The following ANKRD11 variants were observed in gnomAD, a reference collection of about 807,000 sequenced individuals.
The protein encoded by ANKRD11 is ankyrin repeat domain-containing protein 11.
A neutral mutation model predicts 195.7 loss-of-function variants in ANKRD11; 17 were observed. That is an observed-to-expected ratio of 0.09 (90% CI 0.06 to 0.13). ANKRD11 has a LOEUF of 0.13. Among genes scored for constraint, ANKRD11 ranks in the 10% least tolerant of loss-of-function variants. The pLI, the probability that ANKRD11 is intolerant of heterozygous loss-of-function variation, is 1.00. For synonymous variants in ANKRD11, 1,953 were observed against 1,528.1 expected (o/e 1.28, Z -6.49); for missense variants, 3,735 against 3,566.1 (o/e 1.05, Z -1.21).
intron 4 of ANKRD11, among the ~76,000 whole-genome samples, chr16:89,294,195 G>T (rs534853046): frequency 6.6e-6 from 1 of 152,152 alleles, no homozygotes; most frequent in African/African-American, 2.4e-5. Flanking sequence ...TCCCTTACGC[G>T]GCCAGGACAG....
intron 2 of ANKRD11, among the ~76,000 whole-genome samples, chr16:89,401,587 A>T (rs1026874229): frequency 1.3e-4 from 20 of 152,078 alleles, no homozygotes; most frequent in African/African-American, 4.8e-4. Flanking sequence ...TCTATGCTTT[A>T]TTTACTGGTG....
intron 2 of ANKRD11, among the ~76,000 whole-genome samples, chr16:89,397,248 A>C (rs902405089): frequency 6.6e-6 from 1 of 152,212 alleles, no homozygotes; most frequent in African/African-American, 2.4e-5. Flanking sequence ...AGACACAGCC[A>C]TCAAGGCATC....
intron 3 of ANKRD11, among the ~76,000 whole-genome samples, chr16:89,305,636 G>T (rs1051745746): frequency 6.7e-6 from 1 of 149,448 alleles, no homozygotes; most frequent in African/African-American, 2.5e-5. Context: ...AGACACACAC[G>T]CGCTACCTCT....
chr16:89,349,792 C>T (rs1053531008), intron 2 of ANKRD11, among the ~76,000 whole-genome samples: 1 of 150,604 alleles, frequency 6.6e-6, no homozygotes, highest in Admixed American at 6.6e-5. Flanking sequence ...TGGACTTCAT[C>T]AAACTAAAAA....
At chr16:89,325,449 CCTCTCT>C (rs10641419) in intron 2 of ANKRD11, among the ~76,000 whole-genome samples, 1 of 139,530 alleles carries the variant, frequency 7.2e-6, no homozygotes, top group South Asian at 2.3e-4. Flanking sequence ...TCTCCCCTCT[CCTCTCT>C]CTCTCTCTCT....
At chr16:89,452,607 T>C (rs1477342263) in intron 1 of ANKRD11, among the ~76,000 whole-genome samples, 1 of 151,886 alleles carries the variant, frequency 6.6e-6, no homozygotes, top group East Asian at 1.9e-4. Flanking sequence ...TGAAACCTCA[T>C]CTCTACTAAA....
At chr16:89,453,129 G>T (rs1203828805) in intron 1 of ANKRD11, among the ~76,000 whole-genome samples, 2 of 152,076 alleles carry the variant, frequency 1.3e-5, no homozygotes, top group African/African-American at 4.8e-5. Flanking sequence ...TGTTGTTGTT[G>T]CCGTTTTCAT....
chr16:89,373,989 G>C (rs1013988405), intron 2 of ANKRD11, among the ~76,000 whole-genome samples: 2 of 152,242 alleles, frequency 1.3e-5, no homozygotes, highest in Non-Finnish European at 2.9e-5. Flanking sequence ...AGAAGGGTCT[G>C]ACGACCACAA....
chr16:89,285,731 ATGTG>A lies in ANKRD11; in HGVS notation c.893-86_893-83del. 1 of 1,491,498 alleles carries A rather than the reference ATGTG, an allele frequency of 6.7e-7. No individual in the cohort carries two copies. The highest frequency in any genetic ancestry group is 9.3e-7 in the Non-Finnish European group (1 of 1,071,696). 92.4% of individuals were successfully genotyped at this position (1,491,498 alleles called of 1,614,324 possible). On this transcript the variant is annotated intron_variant, in intron 8 of 12. Coordinates refer to ENST00000301030, the MANE Select transcript of ANKRD11 (RefSeq NM_013275.6). The surrounding 1 kb of genome is among the most constrained non-coding windows in gnomAD (Gnocchi z 5.6). Reference sequence around the variant, plus strand: ...ATGGCAGAGGAGGGAGGCTCTGCAGATGTGTCTGCGGGAAGGTTCCCACCCTGCC... The same window carrying A: ...ATGGCAGAGGAGGGAGGCTCTGCAGATCTGCGGGAAGGTTCCCACCCTGCC...
At chr16:89,476,060 A>G (rs983530826) in intron 1 of ANKRD11, among the ~76,000 whole-genome samples, 1 of 151,942 alleles carries the variant, frequency 6.6e-6, no homozygotes, top group Non-Finnish European at 1.5e-5. Flanking sequence ...TCAAAAAAAA[A>G]AAAAAAGAAA....
At chr16:89,335,517 C>T (rs2038306468) in intron 2 of ANKRD11, among the ~76,000 whole-genome samples, 1 of 152,214 alleles carries the variant, frequency 6.6e-6, no homozygotes, top group East Asian at 1.9e-4. Context: ...TCCCTATGAA[C>T]GCTATACCAC....
chr16:89,462,217 T>C (rs879413388), intron 1 of ANKRD11, among the ~76,000 whole-genome samples: 14 of 152,328 alleles, frequency 9.2e-5, no homozygotes, highest in South Asian at 4.1e-4. Context: ...GTGCCTGCGA[T>C]TGCAGGCTCA....
Position 89,269,003 on chromosome 16 carries a change from A to T in ANKRD11, c.7807-340T>A, listed in dbSNP as rs114121452. ...AGAATCGAACAGCTTTGCTTTTGTC[A>T]TTTTACAATTACTTACGGCCAGTGA... On this transcript the variant is annotated intron_variant, in intron 12 of 12. Transcript: ENST00000301030. 7.7e-3 allele frequency among the ~76,000 whole-genome samples: 1,170 copies of T among 152,326 alleles called. 12 individuals are homozygous for T. The highest frequency in any genetic ancestry group is 0.026 in the African/African-American group (1,097 of 41,572).
chr16:89,278,752 T>C (rs1236726213), intron 9 of ANKRD11: 3 of 519,832 alleles, frequency 5.8e-6, no homozygotes, highest in South Asian at 4.7e-5. Context: ...GGACGGGGAG[T>C]GGAGAGGGGA....
intron 2 of ANKRD11, among the ~76,000 whole-genome samples, chr16:89,416,653 G>C (rs954956471): frequency 1.3e-5 from 2 of 151,748 alleles, no homozygotes; most frequent in African/African-American, 2.4e-5. Context: ...ATTTTGGCCA[G>C]GTGTGGTGGC....
At chr16:89,352,382 A>C (rs1005713738) in intron 2 of ANKRD11, among the ~76,000 whole-genome samples, 1 of 151,530 alleles carries the variant, frequency 6.6e-6, no homozygotes, top group Non-Finnish European at 1.5e-5. Flanking sequence ...CAGCCCCCCA[A>C]GAAAACCAAG....
intron 2 of ANKRD11, among the ~76,000 whole-genome samples, chr16:89,410,969 G>A (rs781191736): frequency 1.2e-4 from 19 of 152,260 alleles, no homozygotes; most frequent in Non-Finnish European, 2.2e-4. Context: ...TGTTCAGGCT[G>A]CCCGGCCTCC....
At chr16:89,322,167 C>A (rs77743830) in intron 2 of ANKRD11, among the ~76,000 whole-genome samples, 6,833 of 152,256 alleles carry the variant, frequency 0.045, 491 homozygotes, top group African/African-American at 0.15. Context: ...CGCCCCCAAC[C>A]CCTGTATTGT....
intron 2 of ANKRD11, among the ~76,000 whole-genome samples, chr16:89,363,158 G>A (rs1286160584): frequency 6.6e-6 from 1 of 152,062 alleles, no homozygotes; most frequent in Non-Finnish European, 1.5e-5. Flanking sequence ...CTGGGAACAC[G>A]CCTATCCCTG....
Sources: allele counts gnomAD v4.1 joint callset (sites outside exome capture counted in the v4.1 genomes callset), GRCh38; gene constraint gnomAD v4.1.1; non-coding constraint Gnocchi (gnomAD v3.1); transcripts MANE v1.5; gene names NCBI Gene and HGNC (gene_info 2026-07-23, HGNC 2026-07-21).